CDH18: variants seen among roughly 807,000 people sequenced by gnomAD.
The protein encoded by CDH18 is cadherin-18.
A neutral mutation model predicts 67.9 loss-of-function variants in CDH18; 31 were observed. The ratio of observed to expected loss-of-function variants is 0.46; its 90% CI spans 0.34 to 0.62. CDH18 has a LOEUF of 0.62. CDH18 is among the 20% of genes least tolerant of loss of function. The pLI, the probability that CDH18 is intolerant of heterozygous loss-of-function variation, is 0.01. For synonymous variants in CDH18, 362 were observed against 347.2 expected (o/e 1.04, Z -0.48); for missense variants, 890 against 975.5 (o/e 0.91, Z 1.17).
At chr5:19,834,544 G>A (rs562180698) in intron 3 of CDH18, among the ~76,000 whole-genome samples, 1 of 151,878 alleles carries the variant, frequency 6.6e-6, no homozygotes, top group Non-Finnish European at 1.5e-5. Context: ...TCTGATCTTA[G>A]TTATTTCTTG....
chr5:19,976,075 C>T (rs79534853), intron 2 of CDH18, among the ~76,000 whole-genome samples: 1,839 of 152,170 alleles, frequency 0.012, 51 homozygotes, highest in African/African-American at 0.042. Context: ...TAGCAAATTT[C>T]GACCCAGTGA....
At chr5:20,271,385 T>C (rs894255249) in intron 1 of CDH18, among the ~76,000 whole-genome samples, 6 of 152,038 alleles carry the variant, frequency 3.9e-5, no homozygotes, top group Admixed American at 6.6e-5. Context: ...TAGTCAACCA[T>C]AATATATTGT....
intron 2 of CDH18, among the ~76,000 whole-genome samples, chr5:19,883,552 A>T (rs1787888855): frequency 6.6e-6 from 1 of 151,698 alleles, no homozygotes; most frequent in African/African-American, 2.4e-5. Context: ...TTTGTCCAGT[A>T]TTACATTTTC....
In CDH18 at chr5:19,767,824, T is replaced by G. The variant is rs146634421; in HGVS notation, c.229-20588A>C. Among the ~76,000 whole-genome samples the G allele has an allele frequency of 3.9e-3, 588 of 152,248 alleles. 2 individuals are homozygous for G. The highest frequency in any genetic ancestry group is 0.014 in the African/African-American group (570 of 41,548). On this transcript the variant is annotated intron_variant, in intron 3 of 12. Coordinates refer to ENST00000382275, the MANE Select transcript of CDH18 (RefSeq NM_004934.5). ...TGTAATAAGTAACTGTTTCCAAACT[T>G]GGGAAATTGACCAAAATCTTGCAGC... is the stretch of plus-strand genomic sequence containing the variant.
intron 3 of CDH18, among the ~76,000 whole-genome samples, chr5:19,770,048 A>G (rs1773555607): frequency 6.6e-6 from 1 of 152,094 alleles, no homozygotes; most frequent in East Asian, 1.9e-4. Context: ...TCATTAGGAG[A>G]GCTAAAGTTT....
At position 20,159,827 on chromosome 5, in the gene CDH18, T is replaced by C. The variant is rs1751834739; in HGVS notation, c.-518+95617A>G. 3.3e-5 allele frequency among the ~76,000 whole-genome samples: 5 copies of C among 152,268 alleles called. No individual in the cohort carries two copies. In the South Asian group the frequency reaches 6.2e-4, roughly 19 times the overall value. ...TCTCTTTGCCTCACTTCCTAAAACT[T>C]GGGAATGGTCAAGGCAAGCCTACTG... On this transcript the variant is annotated intron_variant, in intron 2 of 14. Transcript: ENST00000507958.
chr5:20,296,727 A>G (rs1157456967), intron 1 of CDH18, among the ~76,000 whole-genome samples: 1 of 151,794 alleles, frequency 6.6e-6, no homozygotes, highest in African/African-American at 2.4e-5. Flanking sequence ...TAAAATATTA[A>G]ATGTAATTAA....
rs573761399 is a variant in CDH18, at chr5:20,120,166, CA to C, written c.-517-128153del. On this transcript the variant is annotated intron_variant, in intron 2 of 14. Coordinates refer to the CDH18 transcript ENST00000507958. ...GATGGAAAAAGAGAAATCAGTGGTG[CA>C]GTATGCTAAATTCTAGGATGTAGAT... 1.9e-3 allele frequency among the ~76,000 whole-genome samples: 284 copies of C among 152,078 alleles called. 3 individuals are homozygous for C. The highest frequency in any genetic ancestry group is 0.017 in the Admixed American group (255 of 15,266).
At chr5:20,228,193 T>C (rs1385637031) in intron 2 of CDH18, among the ~76,000 whole-genome samples, 1 of 152,034 alleles carries the variant, frequency 6.6e-6, no homozygotes, top group Non-Finnish European at 1.5e-5. Context: ...CTCATATTTT[T>C]GCCAAACAGA....
chr5:20,358,380 C>T (rs1580825039), intron 1 of CDH18, among the ~76,000 whole-genome samples: 1 of 152,134 alleles, frequency 6.6e-6, no homozygotes, highest in South Asian at 2.1e-4. Context: ...AGTAGTTTGA[C>T]ATAAGAATAT....
At position 19,569,279 on chromosome 5, in the gene CDH18, C is replaced by A. The variant is rs139592710; in HGVS notation, c.1253+2300G>T. Among the ~76,000 whole-genome samples the A allele has an allele frequency of 7.2e-3, 1,097 of 152,224 alleles. 15 individuals carry two copies. The highest frequency in any genetic ancestry group is 0.025 in the African/African-American group (1,037 of 41,562). On this transcript the variant is annotated intron_variant, in intron 8 of 12. Transcript: ENST00000382275. ...TCCTCATGTACAGCAAACTACAATT[C>A]TTTCCTTCATTCTTCATTTCTCTAA... is the stretch of plus-strand genomic sequence containing the variant.
chr5:20,513,665 A>C (rs2126493895), intron 1 of CDH18, among the ~76,000 whole-genome samples: 1 of 152,318 alleles, frequency 6.6e-6, no homozygotes, highest in African/African-American at 2.4e-5. Context: ...CACAAATAAA[A>C]CATTTTCTTA....
chr5:19,867,280 G>A (rs1785658651), intron 2 of CDH18, among the ~76,000 whole-genome samples: 1 of 152,010 alleles, frequency 6.6e-6, no homozygotes, highest in Admixed American at 6.6e-5. Flanking sequence ...CCCTTTAGGA[G>A]GAACTAAATC....
rs1172226737 is a variant in CDH18 at position 20,042,830 on chromosome 5, C to T, written c.-517-50816G>A. On this transcript the variant is annotated intron_variant, in intron 2 of 14. Coordinates refer to the CDH18 transcript ENST00000507958. ...TACAAAAATTAGCCGGGCGTGCTGGCGGGCGCCTGTAGTCCCAGCTACTCG... is the reference window on the plus strand; with the variant it reads ...TACAAAAATTAGCCGGGCGTGCTGGTGGGCGCCTGTAGTCCCAGCTACTCG... Among the ~76,000 whole-genome samples, 3 of 152,000 alleles carry T rather than the reference C, an allele frequency of 2.0e-5. No homozygotes were observed. In the East Asian group the frequency reaches 5.8e-4, roughly 30 times the overall value.
At chr5:19,526,163 G>T (rs991360843) in intron 9 of CDH18, among the ~76,000 whole-genome samples, 1 of 151,952 alleles carries the variant, frequency 6.6e-6, no homozygotes, top group Admixed American at 6.6e-5. Context: ...AACAATTAAC[G>T]GTAACTATGT....
intron 1 of CDH18, among the ~76,000 whole-genome samples, chr5:20,458,382 T>C (rs1486693586): frequency 6.6e-6 from 1 of 152,034 alleles, no homozygotes; most frequent in East Asian, 1.9e-4. Context: ...CTTTGGGAGG[T>C]TGAGGCAGGC....
At chr5:20,172,239 T>TATATATAC (rs1491444874) in intron 2 of CDH18, among the ~76,000 whole-genome samples, 1 of 54,458 alleles carries the variant, frequency 1.8e-5, no homozygotes, top group South Asian at 5.7e-4. Context: ...TATATATATA[T>TATATATAC]GTATATATAT....
chr5:19,479,029 C>T (rs1010489556), intron 12 of CDH18, among the ~76,000 whole-genome samples: 7 of 152,106 alleles, frequency 4.6e-5, no homozygotes, highest in African/African-American at 1.4e-4. Flanking sequence ...AGATGGATTC[C>T]GACCATGTTG....
chr5:20,331,752 T>C (rs1253171499), intron 1 of CDH18, among the ~76,000 whole-genome samples: 1 of 152,158 alleles, frequency 6.6e-6, no homozygotes, highest in Admixed American at 6.5e-5. Flanking sequence ...AGTCTCAAGG[T>C]GGAATATATC....
Sources: gnomAD v4.1 joint callset for allele counts (sites outside exome capture counted in the v4.1 genomes callset) on GRCh38, gnomAD v4.1.1 for gene constraint, MANE v1.5 for transcripts, NCBI Gene and HGNC (gene_info 2026-07-23, HGNC 2026-07-21) for gene names.